CDH4: variants seen among roughly 807,000 people sequenced by gnomAD.
CDH4 encodes cadherin-4.
A neutral mutation model predicts 86.0 loss-of-function variants in CDH4; 33 were observed. The observed-to-expected ratio is 0.38, with a 90% CI of 0.29 to 0.51. The LOEUF (loss-of-function observed/expected upper bound fraction) is 0.51. Ranked by LOEUF, CDH4 falls within the 20% of genes least tolerant of loss-of-function variation. The probability of loss-of-function intolerance (pLI) is 0.86; values close to 1 mark genes in which losing one functional copy is unlikely to be tolerated. For missense variants in CDH4, 1,114 were observed against 1,307.4 expected (o/e 0.85, Z 2.28); for synonymous variants, 555 against 549.4 (o/e 1.01, Z -0.14).
At chr20:61,631,966 A>G (rs2086893083) in intron 2 of CDH4, among the ~76,000 whole-genome samples, 1 of 152,196 alleles carries the variant, frequency 6.6e-6, no homozygotes, top group Admixed American at 6.5e-5. Flanking sequence ...CACGCAGGTT[A>G]TTTCCATCTG....
At chr20:61,567,648 T>C (rs2086309981) in intron 2 of CDH4, among the ~76,000 whole-genome samples, 2 of 152,140 alleles carry the variant, frequency 1.3e-5, no homozygotes, top group African/African-American at 2.4e-5. Context: ...TGCCGGGTCC[T>C]CCCCTGGAAG....
At position 61,570,475 on chromosome 20, in the gene CDH4, G is replaced by A. The variant is rs561132007; in HGVS notation, c.170-173088G>A. 22 of 571,810 alleles carry A rather than the reference G, an allele frequency of 3.8e-5. 1 individual carries two copies. In the South Asian group the frequency reaches 4.3e-4, roughly 11 times the overall value. The allele number at this position is 571,810 out of a possible 1,614,324, so 35.4% of individuals were successfully genotyped here. A position where few individuals can be genotyped will look rare whatever the true frequency, so the allele number is the denominator to read the frequency against. On this transcript the variant is annotated intron_variant, in intron 2 of 15. Coordinates refer to ENST00000614565, the MANE Select transcript of CDH4 (RefSeq NM_001794.5). ...TGACCCGAATTGCTTCTTCCCAGAG[G>A]CTGGGTCTCCCTCGCAGCCCCTGCT...
At chr20:61,635,633 C>T (rs2086938703) in intron 2 of CDH4, among the ~76,000 whole-genome samples, 1 of 152,170 alleles carries the variant, frequency 6.6e-6, no homozygotes, top group Admixed American at 6.5e-5. Context: ...GCAACAGAGG[C>T]TGGGCTATCA....
intron 2 of CDH4, among the ~76,000 whole-genome samples, chr20:61,388,333 A>G (rs2084963418): frequency 6.6e-6 from 1 of 152,150 alleles, no homozygotes; most frequent in Non-Finnish European, 1.5e-5. Context: ...CTGGAAGAGT[A>G]GACCACATAC....
chr20:61,725,603 A>G (rs562013464), intron 2 of CDH4, among the ~76,000 whole-genome samples: 161 of 152,300 alleles, frequency 1.1e-3, no homozygotes, highest in African/African-American at 3.5e-3. Context: ...TTTTAAATAC[A>G]GAAAACAAGA....
intron 2 of CDH4, among the ~76,000 whole-genome samples, chr20:61,376,547 G>T (rs1358676701): frequency 6.6e-6 from 1 of 152,168 alleles, no homozygotes. Context: ...CGTGGGCTTG[G>T]GACATTCTGA....
intron 2 of CDH4, among the ~76,000 whole-genome samples, chr20:61,571,211 TG>T (rs2086339439): frequency 6.6e-6 from 1 of 152,174 alleles, no homozygotes. Flanking sequence ...TTGTTCTCTG[TG>T]GTGTTTCCCT....
At chr20:61,320,550 A>G (rs772083456) in intron 2 of CDH4, among the ~76,000 whole-genome samples, 7 of 152,006 alleles carry the variant, frequency 4.6e-5, no homozygotes, top group Non-Finnish European at 1.0e-4. Context: ...TTCTGCCCCC[A>G]GAGAGCACTT....
At chr20:61,617,516 G>C (rs894697601) in intron 2 of CDH4, among the ~76,000 whole-genome samples, 10 of 152,228 alleles carry the variant, frequency 6.6e-5, no homozygotes, top group Admixed American at 2.0e-4. Flanking sequence ...CATAGGAGGA[G>C]CATAAATACT....
intron 2 of CDH4, among the ~76,000 whole-genome samples, chr20:61,526,176 C>A (rs946457470): frequency 1.3e-5 from 2 of 152,020 alleles, no homozygotes; most frequent in South Asian, 4.1e-4. Context: ...GCCCCTCCCC[C>A]TCCCCGGGTG....
At chr20:61,565,257 A>AGG in intron 2 of CDH4, among the ~76,000 whole-genome samples, 1 of 14,892 alleles carries the variant, frequency 6.7e-5, no homozygotes, top group Non-Finnish European at 1.1e-4. Flanking sequence ...GCTCTTGGTG[A>AGG]TGGTGGTGGT....
chr20:61,922,460 A>G (rs2054992694), intron 9 of CDH4, among the ~76,000 whole-genome samples: 1 of 152,212 alleles, frequency 6.6e-6, no homozygotes, highest in Non-Finnish European at 1.5e-5. Context: ...TGCAGGGGCC[A>G]AGTGCAGCAG....
chr20:61,281,078 T>C (rs554813996), intron 2 of CDH4, among the ~76,000 whole-genome samples: 1 of 152,328 alleles, frequency 6.6e-6, no homozygotes, highest in Non-Finnish European at 1.5e-5. Context: ...AGATGGGGCC[T>C]AACGCCTGGC....
chr20:61,741,892 C>T (rs928373535), intron 2 of CDH4, among the ~76,000 whole-genome samples: 4 of 152,124 alleles, frequency 2.6e-5, no homozygotes, highest in African/African-American at 7.2e-5. Context: ...ACAACACAAA[C>T]CCTCCTGCTG....
chr20:61,546,345 G>A (rs992354945), intron 2 of CDH4, among the ~76,000 whole-genome samples: 2 of 150,814 alleles, frequency 1.3e-5, no homozygotes, highest in East Asian at 2.0e-4. Context: ...GTGTATATGC[G>A]TGTGTGTGGT....
chr20:61,920,137 GCGTGGTTT>G, intron 9 of CDH4, among the ~76,000 whole-genome samples: 1 of 66,112 alleles, frequency 1.5e-5, no homozygotes, highest in Non-Finnish European at 3.2e-5. Flanking sequence ...TTGCGTGGAA[GCGTGGTTT>G]TGTGATTGCA....
intron 2 of CDH4, among the ~76,000 whole-genome samples, chr20:61,600,520 G>A (rs1320595094): frequency 6.6e-6 from 1 of 152,156 alleles, no homozygotes; most frequent in African/African-American, 2.4e-5. Context: ...ACAGCGGTGA[G>A]AATCTAATTC....
intron 2 of CDH4, among the ~76,000 whole-genome samples, chr20:61,666,126 A>T (rs1057435126): frequency 2.0e-5 from 3 of 152,146 alleles, no homozygotes; most frequent in Non-Finnish European, 4.4e-5. Context: ...CCCCATCTTA[A>T]TCCTGGCTTG....
intron 2 of CDH4, among the ~76,000 whole-genome samples, chr20:61,578,449 C>T (rs993097621): frequency 2.0e-5 from 3 of 152,226 alleles, no homozygotes; most frequent in African/African-American, 2.4e-5. Flanking sequence ...GATTTTCTCA[C>T]GTCCCACTGG....
Sources: gnomAD v4.1 joint callset for allele counts (sites outside exome capture counted in the v4.1 genomes callset) on GRCh38, gnomAD v4.1.1 for gene constraint, MANE v1.5 for transcripts, NCBI Gene and HGNC (gene_info 2026-07-23, HGNC 2026-07-21) for gene names.